CELF2: variants seen among roughly 807,000 people sequenced by gnomAD.
CELF2 encodes CUGBP Elav-like family member 2, also known as CUG triplet repeat RNA-binding protein 2.
Under a neutral mutation model 62.6 loss-of-function variants are expected in CELF2, and 8 were observed. The ratio of observed to expected loss-of-function variants is 0.13; its 90% CI spans 0.07 to 0.23. CELF2 has a LOEUF of 0.23. CELF2 is among the 10% of genes least tolerant of loss of function. The pLI, the probability that CELF2 is intolerant of heterozygous loss-of-function variation, is 1.00. For synonymous variants in CELF2, 258 were observed against 250.0 expected (o/e 1.03, Z -0.30); for missense variants, 333 against 671.0 (o/e 0.50, Z 5.56).
chr10:11,306,960 C>T lies in CELF2; in HGVS notation c.977-7179C>T, dbSNP rs958704584. Among the ~76,000 whole-genome samples the T allele has an allele frequency of 4.6e-5, 7 of 152,146 alleles. No homozygotes were observed. The highest frequency in any genetic ancestry group is 1.0e-4 in the Non-Finnish European group (7 of 68,022). On this transcript the variant is annotated intron_variant, in intron 9 of 12. Coordinates refer to ENST00000633077, the MANE Select transcript of CELF2 (RefSeq NM_001326342.2). The surrounding 1 kb of genome is among the most constrained non-coding windows in gnomAD (Gnocchi z 4.4). ...AGGCCGCCTCCACCTCTCCTATGGC[C>T]CCCTGAGCTAGGCTGCCCCATGCTC...
the CELF2 span, among the ~76,000 whole-genome samples, chr10:10,465,301 A>G: frequency 3.3e-5 from 5 of 152,152 alleles, no homozygotes; most frequent in Non-Finnish European, 7.4e-5. Flanking sequence ...TCATCAGGGG[A>G]ATTACAATGT....
intron 2 of CELF2, among the ~76,000 whole-genome samples, chr10:10,927,548 C>T (rs1253214949): frequency 6.6e-6 from 1 of 152,024 alleles, no homozygotes; most frequent in East Asian, 1.9e-4. Context: ...CTGCCTCAGA[C>T]TCCCAAGTAG....
At chr10:10,557,376 C>G in the CELF2 span, among the ~76,000 whole-genome samples, 1 of 151,460 alleles carries the variant, frequency 6.6e-6, no homozygotes, top group Non-Finnish European at 1.5e-5. Context: ...GGGCTCTTTT[C>G]TGTTCCATTG....
intron 1 of CELF2, among the ~76,000 whole-genome samples, chr10:11,124,008 A>G (rs370100589): frequency 5.9e-5 from 9 of 152,290 alleles, no homozygotes; most frequent in East Asian, 5.8e-4. Context: ...GTGAATGAGG[A>G]GCAAAGTCAC....
At chr10:10,671,204 CAA>C in the CELF2 span, among the ~76,000 whole-genome samples, 3,105 of 115,700 alleles carry the variant, frequency 0.027, 87 homozygotes, top group South Asian at 0.085. Context: ...TTATCTGTCT[CAA>C]AAAAAAAAAA....
At chr10:10,757,086 G>A in the CELF2 span, among the ~76,000 whole-genome samples, 1 of 151,942 alleles carries the variant, frequency 6.6e-6, no homozygotes, top group Non-Finnish European at 1.5e-5. Context: ...AGGTTGCAGT[G>A]AGCCAAGATC....
At chr10:10,838,922 G>A (rs1488714562) in intron 1 of CELF2, among the ~76,000 whole-genome samples, 4 of 151,924 alleles carry the variant, frequency 2.6e-5, no homozygotes, top group Non-Finnish European at 4.4e-5. Context: ...GGCAGGTCAC[G>A]AGGTCAGGAG....
chr10:11,199,328 T>C (rs1350650174), intron 2 of CELF2, among the ~76,000 whole-genome samples: 1 of 152,188 alleles, frequency 6.6e-6, no homozygotes, highest in Non-Finnish European at 1.5e-5. Flanking sequence ...CTCTTGAACA[T>C]GGAGCTAATA....
intron 2 of CELF2, among the ~76,000 whole-genome samples, chr10:10,985,470 C>T (rs984273942): frequency 1.3e-5 from 2 of 152,066 alleles, no homozygotes; most frequent in Non-Finnish European, 2.9e-5. Context: ...GAAGAAAGGG[C>T]CCTTTTGTAA....
Position 11,145,551 on chromosome 10 carries a change from T to G in CELF2, c.75-19935T>G, listed in dbSNP as rs2062108846. ...ATAGAATTTTTCTGGGAAATCTATA[T>G]TCTCAAATCAGCTACTGAAAAGGGT... On this transcript the variant is annotated intron_variant, in intron 1 of 12. Transcript: ENST00000633077. This position sits in a 1 kb window ranked among gnomAD's most constrained non-coding sequence, Gnocchi z 4.3. 6.6e-6 allele frequency among the ~76,000 whole-genome samples: 1 copy of G among 152,220 alleles called. No individual in the cohort carries two copies. The highest frequency in any genetic ancestry group is 2.1e-4 in the South Asian group (1 of 4,834).
intron 1 of CELF2, among the ~76,000 whole-genome samples, chr10:10,857,795 C>G (rs2059831182): frequency 6.7e-6 from 1 of 150,136 alleles, no homozygotes; most frequent in South Asian, 2.1e-4. Context: ...CATGATGAAA[C>G]TAGTAAAAAA....
the CELF2 span, among the ~76,000 whole-genome samples, chr10:10,771,941 G>A: frequency 0.074 from 11,267 of 152,146 alleles, 469 homozygotes; most frequent in African/African-American, 0.091. Flanking sequence ...ATATATAGAC[G>A]TCGGGCAAGT....
Position 11,270,794 on chromosome 10 carries a change from G to A in CELF2, c.747G>A (p.Gly249=). Residue 249 remains glycine, a synonymous_variant, in exon 7 of 13, where the codon GGG becomes GGA. Coordinates refer to ENST00000633077, the MANE Select transcript of CELF2 (RefSeq NM_001326342.2). This position sits in a 1 kb window ranked among gnomAD's most constrained non-coding sequence, Gnocchi z 5.8. ...LNTATWGNLT[G]LGGLTPQYLA... Reference sequence around the variant, plus strand: ...CTGCCACCTGGGGGAACCTGACAGGGCTGGGCGGACTGACCCCACAGTATC... The same window carrying A: ...CTGCCACCTGGGGGAACCTGACAGGACTGGGCGGACTGACCCCACAGTATC... The A allele has an allele frequency of 6.6e-7, 1 of 1,510,040 alleles. No individual in the cohort carries two copies. Among genetic ancestry groups the A allele is most frequent in the Non-Finnish European group, 8.9e-7 (1 of 1,123,158 alleles). The allele number at this position is 1,510,040 out of a possible 1,614,324, so 93.5% of individuals were successfully genotyped here.
At chr10:11,185,817 T>C (rs2074714487) in intron 2 of CELF2, among the ~76,000 whole-genome samples, 2 of 152,260 alleles carry the variant, frequency 1.3e-5, no homozygotes, top group Non-Finnish European at 1.5e-5. Context: ...ATAACTTCTT[T>C]GGCTGGTTTT....
At chr10:11,051,296 A>G (rs1402211460) in intron 1 of CELF2, among the ~76,000 whole-genome samples, 2 of 152,346 alleles carry the variant, frequency 1.3e-5, no homozygotes, top group South Asian at 2.1e-4. Flanking sequence ...CTTTTACTGC[A>G]TTTCACTTGA....
chr10:10,757,916 G>A, the CELF2 span, among the ~76,000 whole-genome samples: 271 of 152,078 alleles, frequency 1.8e-3, 2 homozygotes, highest in Middle Eastern at 0.01. Flanking sequence ...TTGTAAACTA[G>A]GCCCCTATGG....
At chr10:10,985,331 TA>T (rs58949496) in intron 2 of CELF2, among the ~76,000 whole-genome samples, 17,768 of 140,184 alleles carry the variant, frequency 0.13, 3,288 homozygotes, top group African/African-American at 0.41. Context: ...CTATTAGAAG[TA>T]AAAAAAAAAA....
chr10:11,310,255 A>G (rs1165335378), intron 9 of CELF2, among the ~76,000 whole-genome samples: 2 of 152,144 alleles, frequency 1.3e-5, no homozygotes, highest in Non-Finnish European at 2.9e-5. Context: ...TCCCTGGGAG[A>G]AACCATAACC....
At chr10:10,651,316 G>C in the CELF2 span, among the ~76,000 whole-genome samples, 1 of 148,212 alleles carries the variant, frequency 6.7e-6, no homozygotes, top group South Asian at 2.3e-4. Flanking sequence ...CATTGCCCAG[G>C]CTTGCTTAGG....
Sources: allele counts gnomAD v4.1 joint callset (sites outside exome capture counted in the v4.1 genomes callset), GRCh38; gene constraint gnomAD v4.1.1; non-coding constraint Gnocchi (gnomAD v3.1); transcripts MANE v1.5; gene names NCBI Gene and HGNC (gene_info 2026-07-23, HGNC 2026-07-21).